The following DENND5B variants were observed in gnomAD, a reference collection of about 807,000 sequenced individuals.
The protein encoded by DENND5B is DENN domain containing 5B.
A neutral mutation model predicts 140.6 loss-of-function variants in DENND5B; 34 were observed. That is an observed-to-expected ratio of 0.24 (90% confidence interval 0.18 to 0.32). The LOEUF is 0.32. DENND5B is among the 10% of genes least tolerant of loss of function. The probability of loss-of-function intolerance (pLI) is 1.00; values close to 1 mark genes in which losing one functional copy is unlikely to be tolerated. For missense variants in DENND5B, 1,142 were observed against 1,560.2 expected, an observed-to-expected ratio of 0.73 and a Z score of 4.52; for synonymous variants, 551 against 562.1, an observed-to-expected ratio of 0.98 and a Z score of 0.28.
chr12:31,408,222 C>T (rs1261445885), intron 14 of DENND5B, among the ~76,000 whole-genome samples: 2 of 152,008 alleles, frequency 1.3e-5, no homozygotes, highest in Non-Finnish European at 2.9e-5. Context: ...TCGCTTGATC[C>T]CAGGGGACGG....
At chr12:31,518,197 T>C (rs1947742205) in intron 1 of DENND5B, among the ~76,000 whole-genome samples, 1 of 152,250 alleles carries the variant, frequency 6.6e-6, no homozygotes, top group Non-Finnish European at 1.5e-5. Context: ...TCAGAGACTA[T>C]GAACACATAA....
chr12:31,390,813 C>T (rs955165613), intron 19 of DENND5B, among the ~76,000 whole-genome samples: 9 of 152,058 alleles, frequency 5.9e-5, no homozygotes, highest in Admixed American at 3.3e-4. Flanking sequence ...CACTTGAGGA[C>T]GGAATTTGGG....
intron 8 of DENND5B, among the ~76,000 whole-genome samples, chr12:31,428,019 T>C (rs1943325109): frequency 6.6e-6 from 1 of 152,164 alleles, no homozygotes; most frequent in South Asian, 2.1e-4. Flanking sequence ...CTCCCAACCT[T>C]TGTGACGAAA....
chr12:31,547,295 T>C (rs1408869021), intron 1 of DENND5B, among the ~76,000 whole-genome samples: 1 of 152,218 alleles, frequency 6.6e-6, no homozygotes, highest in Non-Finnish European at 1.5e-5. Flanking sequence ...CTATTCTTGT[T>C]TTATCTACTC....
intron 1 of DENND5B, among the ~76,000 whole-genome samples, chr12:31,552,709 G>T (rs998672718): frequency 5.9e-5 from 9 of 152,058 alleles, no homozygotes; most frequent in Non-Finnish European, 1.0e-4. Context: ...GACTTTTTTT[G>T]GTTAGTAAGC....
rs553082178 is a variant in DENND5B, at chr12:31,410,039, AAC to A, written c.2682-657_2682-656del. On this transcript the variant is annotated intron_variant, in intron 13 of 20. Transcript: ENST00000389082. ...TTCAATTCATAAAAATGGATATATA[AAC>A]AGTTAATAAAACACTTTTAACCTAA... Among the ~76,000 whole-genome samples, 19 of 152,344 alleles carry A rather than the reference AAC, an allele frequency of 1.2e-4. No homozygotes were observed. In the South Asian group the frequency reaches 3.3e-3, roughly 27 times the overall value.
chr12:31,421,029 T>C (rs577555936), intron 11 of DENND5B, among the ~76,000 whole-genome samples: 2 of 152,268 alleles, frequency 1.3e-5, no homozygotes, highest in East Asian at 1.9e-4. Flanking sequence ...GTAAGAATAA[T>C]GTTCAAACCC....
In DENND5B at chr12:31,422,056, CAATA is replaced by C. The variant is rs571105013; in HGVS notation, c.2470+1537_2470+1540del. Among the ~76,000 whole-genome samples, 3 of 152,158 alleles carry C rather than the reference CAATA, an allele frequency of 2.0e-5. No homozygotes were observed. In the South Asian group the frequency reaches 6.2e-4, roughly 32 times the overall value. ...ATACATTTAAACACTAGGTTTCTAA[CAATA>C]AATACTACATTTAGGATAGTGTTGC... On this transcript the variant is annotated intron_variant, in intron 11 of 20. Transcript: ENST00000389082.
chr12:31,444,194 T>G (rs901784644), intron 6 of DENND5B: 14 of 152,160 alleles, frequency 9.2e-5, no homozygotes, highest in African/African-American at 3.4e-4. Flanking sequence ...GAGCTGCTAA[T>G]TTTGTGATTT....
intron 1 of DENND5B, among the ~76,000 whole-genome samples, chr12:31,545,601 A>T (rs1197670115): frequency 1.3e-5 from 2 of 152,354 alleles, no homozygotes; most frequent in Admixed American, 1.3e-4. Context: ...TGTAGTAATG[A>T]AAAGGATATA....
rs191093634 is a variant in DENND5B, at chr12:31,412,674, G to C, written c.2681+762C>G. ...GTACTGGTCCATGGCCCAAGGGCTG[G>C]GAACCCTTGCCCTAAACTAGTGAAT... On this transcript the variant is annotated intron_variant, in intron 13 of 20. Transcript: ENST00000389082. Among the ~76,000 whole-genome samples the C allele has an allele frequency of 4.2e-3, 634 of 152,244 alleles. 5 individuals are homozygous for C. Among genetic ancestry groups the C allele is most frequent in the African/African-American group, 0.014 (578 of 41,546 alleles).
At chr12:31,473,100 A>G (rs1945634719) in intron 3 of DENND5B, among the ~76,000 whole-genome samples, 1 of 152,134 alleles carries the variant, frequency 6.6e-6, no homozygotes, top group South Asian at 2.1e-4. Flanking sequence ...TACCATGCCT[A>G]GCTAATTTTT....
At chr12:31,477,996 G>A in intron 3 of DENND5B, 2 of 203,382 alleles carry the variant, frequency 9.8e-6, no homozygotes, top group South Asian at 2.1e-4. Context: ...AATGCCCAAG[G>A]AGCTTCAGAT....
intron 7 of DENND5B, among the ~76,000 whole-genome samples, chr12:31,436,611 G>A (rs949159207): frequency 1.3e-5 from 2 of 150,474 alleles, no homozygotes; most frequent in African/African-American, 2.4e-5. Flanking sequence ...CTCAGCTCAC[G>A]GCAACCTCTG....
intron 2 of DENND5B, 23 bp from the exon 3 acceptor site, chr12:31,480,278 A>C: frequency 2.7e-6 from 4 of 1,465,628 alleles, no homozygotes; most frequent in Non-Finnish European, 3.6e-6. Flanking sequence ...GAAAAAAAAA[A>C]ATCAGAATGC....
chr12:31,509,923 A>T (rs1048086205), intron 1 of DENND5B, among the ~76,000 whole-genome samples: 3 of 152,156 alleles, frequency 2.0e-5, no homozygotes, highest in Non-Finnish European at 4.4e-5. Flanking sequence ...CAGTGTCACA[A>T]ATTCAGTCCC....
At chr12:31,471,405 C>T (rs1314452145) in intron 3 of DENND5B, among the ~76,000 whole-genome samples, 1 of 151,556 alleles carries the variant, frequency 6.6e-6, no homozygotes, top group African/African-American at 2.4e-5. Flanking sequence ...ACCTGCAATT[C>T]TCGGGCCTCA....
At position 31,383,552 on chromosome 12, in the gene DENND5B, T is replaced by C. The variant is rs1321900818; in HGVS notation, c.*4051A>G. Reference sequence around the variant, plus strand: ...AAAGGTACAAAAATGTGTGAAACATTTAAATTTCAGAGGGAAATCCACACT... The same window carrying C: ...AAAGGTACAAAAATGTGTGAAACATCTAAATTTCAGAGGGAAATCCACACT... On this transcript the variant is annotated 3_prime_UTR_variant, in exon 21 of 21. Transcript: ENST00000389082. 6.6e-6 allele frequency: 1 copy of C among 152,202 alleles called. No homozygotes were observed. The highest frequency in any genetic ancestry group is 2.4e-5 in the African/African-American group (1 of 41,446). 9.4% of individuals were successfully genotyped at this position (152,202 alleles called of 1,614,324 possible).
chr12:31,538,739 T>G (rs1948587206), intron 1 of DENND5B, among the ~76,000 whole-genome samples: 1 of 151,828 alleles, frequency 6.6e-6, no homozygotes, highest in South Asian at 2.1e-4. Context: ...CATGGTGGTG[T>G]GCACCTGTAA....
Sources: allele counts gnomAD v4.1 joint callset (sites outside exome capture counted in the v4.1 genomes callset), GRCh38; gene constraint gnomAD v4.1.1; transcripts MANE v1.5; gene names NCBI Gene and HGNC (gene_info 2026-07-23, HGNC 2026-07-21).